Variants in FHIT observed in about 807,000 individuals in gnomAD.
The protein encoded by FHIT is fragile histidine triad diadenosine triphosphatase.
FHIT carries 19 observed loss-of-function variants against 17.9 expected under a neutral mutation model. The observed-to-expected ratio is 1.06, with a 90% CI of 0.74 to 1.56. FHIT has a LOEUF of 1.56. Among genes scored for constraint, FHIT ranks in the 40% most tolerant of loss-of-function variants. The pLI, the probability that FHIT is intolerant of heterozygous loss-of-function variation, is 0.00. For synonymous variants in FHIT, 81 were observed against 69.7 expected (o/e 1.16, Z -0.81); for missense variants, 248 against 189.2 (o/e 1.31, Z -1.82).
At chr3:60,573,663 C>T (rs868992942) in intron 4 of FHIT, among the ~76,000 whole-genome samples, 3 of 152,126 alleles carry the variant, frequency 2.0e-5, no homozygotes, top group Admixed American at 6.5e-5. Flanking sequence ...GGGAGAGAAG[C>T]GCAGCTGCCT....
intron 5 of FHIT, among the ~76,000 whole-genome samples, chr3:60,215,441 T>G (rs1576321138): frequency 6.6e-6 from 1 of 152,076 alleles, no homozygotes; most frequent in East Asian, 1.9e-4. Context: ...ATCACGCCTG[T>G]AATCCCAGCT....
intron 5 of FHIT, among the ~76,000 whole-genome samples, chr3:60,132,954 A>G (rs1699655669): frequency 6.6e-6 from 1 of 152,032 alleles, no homozygotes; most frequent in African/African-American, 2.4e-5. Flanking sequence ...GACAAATGAC[A>G]TACTGAAATA....
intron 5 of FHIT, among the ~76,000 whole-genome samples, chr3:60,174,572 A>C (rs1701581130): frequency 6.6e-6 from 1 of 152,178 alleles, no homozygotes; most frequent in Non-Finnish European, 1.5e-5. Context: ...AATTTGGCCA[A>C]AATCACATGG....
At chr3:59,847,445 C>G (rs1299563766) in intron 8 of FHIT, among the ~76,000 whole-genome samples, 1 of 152,130 alleles carries the variant, frequency 6.6e-6, no homozygotes, top group Non-Finnish European at 1.5e-5. Flanking sequence ...GCATCACTCT[C>G]TCTTTATTGA....
intron 7 of FHIT, among the ~76,000 whole-genome samples, chr3:59,946,179 G>C (rs1706793174): frequency 6.6e-6 from 1 of 152,090 alleles, no homozygotes; most frequent in Non-Finnish European, 1.5e-5. Flanking sequence ...TTCTCCATTT[G>C]TGTTGTCTCT....
chr3:60,835,317 T>A (rs2100152), intron 3 of FHIT, among the ~76,000 whole-genome samples: 119,990 of 152,100 alleles, frequency 0.79, 47,635 homozygotes, highest in East Asian at 1. Context: ...ATTTGGGAAG[T>A]ATCGGTATCT....
chr3:60,577,046 C>G (rs1317675128), intron 4 of FHIT, among the ~76,000 whole-genome samples: 1 of 151,310 alleles, frequency 6.6e-6, no homozygotes, highest in African/African-American at 2.4e-5. Context: ...AAATAGAGAT[C>G]TAATTATGGA....
chr3:60,867,600 C>A (rs575390665), intron 3 of FHIT, among the ~76,000 whole-genome samples: 16 of 152,316 alleles, frequency 1.1e-4, no homozygotes, highest in African/African-American at 3.8e-4. Context: ...GACTCCTGCA[C>A]ATCTCAGCCT....
intron 4 of FHIT, among the ~76,000 whole-genome samples, chr3:60,695,403 A>G (rs1247665171): frequency 2.0e-5 from 3 of 152,214 alleles, no homozygotes; most frequent in South Asian, 2.1e-4. Flanking sequence ...CTCAGAAACA[A>G]CAACAAAAAA....
Position 59,905,495 on chromosome 3 carries a change from C to A in FHIT, c.348+16851G>T, listed in dbSNP as rs116162643. Among the ~76,000 whole-genome samples the A allele has an allele frequency of 5.4e-3, 825 of 152,272 alleles. 11 individuals carry two copies. Among genetic ancestry groups the A allele is most frequent in the African/African-American group, 0.019 (791 of 41,546 alleles). Reference sequence around the variant, plus strand: ...TGTCTGTATAAACCTAACCTAGTGCCTCTCACGTAGTAAGCCTTTTATAGG... The same window carrying A: ...TGTCTGTATAAACCTAACCTAGTGCATCTCACGTAGTAAGCCTTTTATAGG... On this transcript the variant is annotated intron_variant, in intron 8 of 9. Transcript: ENST00000492590.
chr3:60,364,493 A>C (rs1386831156), intron 5 of FHIT, among the ~76,000 whole-genome samples: 1 of 152,234 alleles, frequency 6.6e-6, no homozygotes, highest in Non-Finnish European at 1.5e-5. Flanking sequence ...GGTATGCAGT[A>C]GGTAAAACAA....
intron 4 of FHIT, among the ~76,000 whole-genome samples, chr3:60,738,191 GAA>G (rs1181757045): frequency 2.0e-5 from 3 of 152,160 alleles, no homozygotes; most frequent in Non-Finnish European, 2.9e-5. Flanking sequence ...GCTCAAATCT[GAA>G]AAGAGTCCTA....
chr3:61,188,282 C>A (rs1344101159), intron 2 of FHIT, among the ~76,000 whole-genome samples: 2 of 152,098 alleles, frequency 1.3e-5, no homozygotes, highest in African/African-American at 4.8e-5. Context: ...TACAAACTAC[C>A]ATCAGAGAAT....
intron 8 of FHIT, among the ~76,000 whole-genome samples, chr3:59,766,023 T>C (rs779425349): frequency 2.6e-5 from 4 of 152,138 alleles, no homozygotes; most frequent in Non-Finnish European, 4.4e-5. Context: ...CCTAAAACTA[T>C]ATGAAAAGTC....
chr3:60,906,453 C>T (rs111706619), intron 3 of FHIT, among the ~76,000 whole-genome samples: 2 of 152,162 alleles, frequency 1.3e-5, no homozygotes, highest in African/African-American at 2.4e-5. Flanking sequence ...TATCGCCTAG[C>T]GGCAATGGCA....
chr3:60,041,932 A>T (rs888589021), intron 5 of FHIT, among the ~76,000 whole-genome samples: 11 of 152,244 alleles, frequency 7.2e-5, no homozygotes, highest in African/African-American at 2.7e-4. Context: ...CATTTCTGAA[A>T]TATATACTTT....
chr3:60,293,880 G>T (rs966260694), intron 5 of FHIT, among the ~76,000 whole-genome samples: 1 of 152,140 alleles, frequency 6.6e-6, no homozygotes, highest in African/African-American at 2.4e-5. Context: ...ATCATTATGG[G>T]AGGTAAACCA....
At chr3:60,299,300 C>A (rs1413969880) in intron 5 of FHIT, among the ~76,000 whole-genome samples, 1 of 152,110 alleles carries the variant, frequency 6.6e-6, no homozygotes, top group African/African-American at 2.4e-5. Flanking sequence ...ATTCAATTTG[C>A]TAACATTTTG....
intron 3 of FHIT, among the ~76,000 whole-genome samples, chr3:60,987,179 T>C (rs549776806): frequency 6.6e-6 from 1 of 152,332 alleles, no homozygotes; most frequent in East Asian, 1.9e-4. Context: ...TCAGAGCTAG[T>C]GCAAAATCCT....
Sources: allele counts gnomAD v4.1 joint callset (sites outside exome capture counted in the v4.1 genomes callset), GRCh38; gene constraint gnomAD v4.1.1; transcripts MANE v1.5; gene names NCBI Gene and HGNC (gene_info 2026-07-23, HGNC 2026-07-21).